ZNF143: variants seen among roughly 807,000 people sequenced by gnomAD.
The protein encoded by ZNF143 is zinc finger protein 143.
A neutral mutation model predicts 74.1 loss-of-function variants in ZNF143; 49 were observed. That is an observed-to-expected ratio of 0.66 (90% CI 0.53 to 0.84). The LOEUF (loss-of-function observed/expected upper bound fraction) is 0.84, where lower values mean the gene tolerates loss of function less well. ZNF143 is among the 40% of genes least tolerant of loss of function. The pLI, the probability that ZNF143 is intolerant of heterozygous loss-of-function variation, is 0.00. For synonymous variants in ZNF143, 304 were observed against 282.8 expected (o/e 1.07, Z -0.75); for missense variants, 637 against 793.4 (o/e 0.80, Z 2.37).
At chr11:9,467,799 GC>G (rs1856332069) in intron 1 of ZNF143, among the ~76,000 whole-genome samples, 2 of 148,376 alleles carry the variant, frequency 1.3e-5, no homozygotes, top group African/African-American at 5.0e-5. Context: ...AGCTGAGATG[GC>G]GCCACTGCAC....
intron 15 of ZNF143, among the ~76,000 whole-genome samples, chr11:9,525,631 T>C (rs1301012884): frequency 6.6e-6 from 1 of 152,148 alleles, no homozygotes; most frequent in Non-Finnish European, 1.5e-5. Flanking sequence ...CAGGTATATA[T>C]CCCTGTGTGC....
At chr11:9,499,831 A>G (rs1848093655) in intron 10 of ZNF143, among the ~76,000 whole-genome samples, 1 of 152,234 alleles carries the variant, frequency 6.6e-6, no homozygotes, top group Admixed American at 6.5e-5. Flanking sequence ...ATCCTAGAAA[A>G]GGGTACATGA....
chr11:9,526,040 G>A (rs139839097), intron 15 of ZNF143, among the ~76,000 whole-genome samples: 1 of 152,108 alleles, frequency 6.6e-6, no homozygotes, highest in East Asian at 1.9e-4. Context: ...TACTTGGGGG[G>A]TGCTGAGGCA....
intron 11 of ZNF143, among the ~76,000 whole-genome samples, chr11:9,502,572 T>C (rs1267924664): frequency 6.8e-6 from 1 of 147,512 alleles, no homozygotes; most frequent in Non-Finnish European, 1.5e-5. Flanking sequence ...ATCGCACCAC[T>C]GCACTCCAGC....
At chr11:9,497,483 G>A (rs1434514141) in intron 9 of ZNF143, among the ~76,000 whole-genome samples, 192 bp from the exon 10 acceptor site, 6 of 152,036 alleles carry the variant, frequency 3.9e-5, no homozygotes, top group Non-Finnish European at 8.8e-5. Flanking sequence ...CGCCCGCCTT[G>A]GCATTCCAAA....
chr11:9,469,521 C>G lies in ZNF143; in HGVS notation c.-7-1781C>G, dbSNP rs188855136. ...TGCTGGGATTACAGGCATGAGCCAC[C>G]GCGTGCAGCCCACAGGTCTTAACAG... On this transcript the variant is annotated intron_variant, in intron 1 of 15. Transcript: ENST00000396602. 2.9e-3 allele frequency among the ~76,000 whole-genome samples: 440 copies of G among 150,680 alleles called. 2 individuals are homozygous for G. Among genetic ancestry groups the G allele is most frequent in the Middle Eastern group, 3.5e-3 (1 of 282 alleles).
In ZNF143 at chr11:9,474,572, G is replaced by T; in HGVS notation, c.312G>T (p.Glu104Asp). 2 of 1,614,112 alleles carry T rather than the reference G, an allele frequency of 1.2e-6. No individual in the cohort carries two copies. The highest frequency in any genetic ancestry group is 1.6e-4 in the Middle Eastern group (1 of 6,062). Residue 104 changes from glutamate to aspartate, a missense_variant, in exon 5 of 16, where the codon GAG becomes GAT. This residue lies in a region of ZNF143 where 293 missense variants were observed against 307.8 expected (regional missense o/e 0.95). Coordinates refer to ENST00000396602, the MANE Select transcript of ZNF143 (RefSeq NM_003442.6). ...PKSTGDSLRL[E>D]DGQAVQLEDG... ...GAGCAGGGGACAGTTTGCGTCTAGA[G>T]GATGGTCAAGCAGTACAGTTAGAAG...
intron 8 of ZNF143, among the ~76,000 whole-genome samples, chr11:9,495,938 T>A (rs1349075085): frequency 6.6e-6 from 1 of 152,076 alleles, no homozygotes; most frequent in Non-Finnish European, 1.5e-5. Flanking sequence ...TTGCCTCAGA[T>A]CCAGGCCCCT....
chr11:9,465,205 G>C (rs1856122550), intron 1 of ZNF143, among the ~76,000 whole-genome samples: 1 of 152,014 alleles, frequency 6.6e-6, no homozygotes, highest in African/African-American at 2.4e-5. Context: ...TATTTGTTTT[G>C]AGACGGAGTC....
intron 7 of ZNF143, among the ~76,000 whole-genome samples, chr11:9,490,620 C>T (rs1415327880): frequency 6.6e-6 from 1 of 151,796 alleles, no homozygotes; most frequent in Non-Finnish European, 1.5e-5. Flanking sequence ...TATCCAGACT[C>T]CTCCAGAGTA....
At chr11:9,476,459 G>A (rs1333976331) in intron 5 of ZNF143, among the ~76,000 whole-genome samples, 2 of 151,852 alleles carry the variant, frequency 1.3e-5, no homozygotes, top group African/African-American at 2.4e-5. Flanking sequence ...TGCAACCTCC[G>A]CCTCCTGGTT....
At chr11:9,464,222 C>G (rs1856053123) in intron 1 of ZNF143, among the ~76,000 whole-genome samples, 1 of 152,050 alleles carries the variant, frequency 6.6e-6, no homozygotes, top group Non-Finnish European at 1.5e-5. Flanking sequence ...GCCTCAACCT[C>G]CCTGGCACAA....
At chr11:9,499,692 A>G (rs961766645) in intron 10 of ZNF143, among the ~76,000 whole-genome samples, 3 of 152,186 alleles carry the variant, frequency 2.0e-5, no homozygotes, top group African/African-American at 7.2e-5. Flanking sequence ...TTCCAGCCTG[A>G]GCAACATAGT....
intron 11 of ZNF143, among the ~76,000 whole-genome samples, chr11:9,503,982 CAG>C (rs1268118923): frequency 2.3e-5 from 2 of 86,456 alleles, no homozygotes; most frequent in African/African-American, 9.7e-5. Flanking sequence ...TTTTTTGAGA[CAG>C]AGTCTTGCTG....
intron 1 of ZNF143, among the ~76,000 whole-genome samples, chr11:9,463,539 A>G (rs569062091): frequency 8.2e-4 from 125 of 152,316 alleles, no homozygotes; most frequent in African/African-American, 2.9e-3. Context: ...AATAATGTTG[A>G]GCATTTTTTC....
chr11:9,522,246 G>A (rs1323204087), intron 14 of ZNF143, among the ~76,000 whole-genome samples: 1 of 152,168 alleles, frequency 6.6e-6, no homozygotes, highest in East Asian at 1.9e-4. Flanking sequence ...GCTCACACCT[G>A]TAATCTCAGC....
chr11:9,525,506 C>T (rs1164858319), intron 15 of ZNF143, 120 bp downstream of exon 15: 3 of 1,315,050 alleles, frequency 2.3e-6, no homozygotes, highest in African/African-American at 1.4e-5. Context: ...ATCTCTATCA[C>T]CTAGCCTACT....
At chr11:9,505,549 A>G (rs942024296) in intron 11 of ZNF143, among the ~76,000 whole-genome samples, 6 of 151,912 alleles carry the variant, frequency 3.9e-5, no homozygotes, top group Admixed American at 2.6e-4. Context: ...TTTGTGTGCT[A>G]TACATAAACA....
chr11:9,490,522 G>C (rs1256736553), intron 7 of ZNF143, among the ~76,000 whole-genome samples: 5 of 151,726 alleles, frequency 3.3e-5, no homozygotes, highest in Admixed American at 6.6e-5. Flanking sequence ...CTGGGCTCAA[G>C]TGATCCACCT....
Sources: gnomAD v4.1 joint callset for allele counts (sites outside exome capture counted in the v4.1 genomes callset) on GRCh38, gnomAD v4.1.1 for gene constraint, gnomAD v4.1.1 regional missense constraint, MANE v1.5 for transcripts, NCBI Gene and HGNC (gene_info 2026-07-23, HGNC 2026-07-21) for gene names.